The following ADAMTSL3 variants were observed in gnomAD, a reference collection of about 807,000 sequenced individuals.
ADAMTSL3 encodes the protein ADAMTS like 3, also known as ADAMTS-like protein 3.
A neutral mutation model predicts 201.7 loss-of-function variants in ADAMTSL3; 128 were observed. The observed-to-expected ratio is 0.63, with a 90% CI of 0.55 to 0.73. The LOEUF is 0.73. Ranked by LOEUF, ADAMTSL3 falls within the 30% of genes least tolerant of loss-of-function variation. The pLI, the probability that ADAMTSL3 is intolerant of heterozygous loss-of-function variation, is 0.00. For synonymous variants in ADAMTSL3, 738 were observed against 748.4 expected (o/e 0.99, Z 0.23); for missense variants, 1,990 against 2,119.6 (o/e 0.94, Z 1.20).
chr15:83,702,977 C>T (rs1481726823), intron 2 of ADAMTSL3, among the ~76,000 whole-genome samples: 1 of 152,130 alleles, frequency 6.6e-6, no homozygotes, highest in Non-Finnish European at 1.5e-5. Context: ...AGAGGCCATA[C>T]CCTGAAAAGC....
intron 2 of ADAMTSL3, among the ~76,000 whole-genome samples, chr15:83,678,984 TCTC>T (rs139161426): frequency 0.017 from 2,570 of 150,332 alleles, 72 homozygotes; most frequent in African/African-American, 0.056. Flanking sequence ...CCTTTGTTAT[TCTC>T]CCATAGGCCT....
intron 3 of ADAMTSL3, among the ~76,000 whole-genome samples, chr15:83,750,620 C>T (rs866206145): frequency 2.0e-5 from 3 of 151,972 alleles, no homozygotes; most frequent in South Asian, 4.2e-4. Flanking sequence ...GGCATGATCT[C>T]GGCTCACTGC....
intron 23 of ADAMTSL3, among the ~76,000 whole-genome samples, chr15:83,998,808 A>G (rs561040723): frequency 2.0e-5 from 3 of 152,312 alleles, no homozygotes; most frequent in African/African-American, 7.2e-5. Context: ...ACTAGATAAG[A>G]TCTTACTGAA....
At chr15:83,862,451 T>G (rs1443371015) in intron 8 of ADAMTSL3, 1 of 151,936 alleles carries the variant, frequency 6.6e-6, no homozygotes, top group African/African-American at 2.4e-5. Context: ...CAGAAGAGAG[T>G]GGGGGCCAAT....
At chr15:83,719,207 T>C (rs1238611764) in intron 3 of ADAMTSL3, among the ~76,000 whole-genome samples, 2 of 152,156 alleles carry the variant, frequency 1.3e-5, no homozygotes, top group East Asian at 1.9e-4. Context: ...AGAATTACAG[T>C]GTACAAGGAA....
In ADAMTSL3 at chr15:84,033,288, C is replaced by T. The variant is rs2068441835; in HGVS notation, c.4754+1856C>T. Among the ~76,000 whole-genome samples the T allele has an allele frequency of 2.6e-5, 4 of 152,250 alleles. No individual in the cohort carries two copies. In the South Asian group the frequency reaches 8.3e-4, roughly 32 times the overall value. ...ATCCTACCACCACCACAACCCATCT[C>T]CCTGCTAGACTAAAATTACTTTAGA... On this transcript the variant is annotated intron_variant, in intron 28 of 29. Transcript: ENST00000286744.
intron 3 of ADAMTSL3, among the ~76,000 whole-genome samples, chr15:83,719,456 CTT>C (rs1191870600): frequency 3.3e-5 from 5 of 152,138 alleles, no homozygotes; most frequent in African/African-American, 1.2e-4. Flanking sequence ...CGACAACACT[CTT>C]TATGACATTT....
At chr15:83,903,158 G>T (rs1298761597) in intron 15 of ADAMTSL3, among the ~76,000 whole-genome samples, 1 of 151,444 alleles carries the variant, frequency 6.6e-6, no homozygotes, top group East Asian at 1.9e-4. Flanking sequence ...TTTAAAATGT[G>T]GTGATTTCCA....
chr15:83,983,315 G>A lies in ADAMTSL3; in HGVS notation c.3687G>A (p.Lys1229=), dbSNP rs745656919. The stretch of plus-strand genomic sequence containing the variant: ...GTGAGGCCACATATACATGGACCAA[G>A]GATGGAACCTTGTTACAGCCCTCAG... ...TPSEATYTWT[K]DGTLLQPSVK... Residue 1229 remains lysine (K), a synonymous_variant, in exon 21 of 30, where the codon AAG becomes AAA. Transcript: ENST00000286744. The A allele has an allele frequency of 6.5e-7, 1 of 1,546,536 alleles. No individual in the cohort carries two copies. The highest frequency in any genetic ancestry group is 8.7e-7 in the Non-Finnish European group (1 of 1,148,528).
intron 2 of ADAMTSL3, among the ~76,000 whole-genome samples, chr15:83,675,586 C>CTTTTTTTTTTTTTTT (rs77339448): frequency 7.9e-6 from 1 of 126,054 alleles, no homozygotes; most frequent in Non-Finnish European, 1.7e-5. Flanking sequence ...GTGCTGTTTT[C>CTTTTTTTTTTTTTTT]TTTTTTTTTT....
chr15:83,796,193 T>A (rs184565355), intron 4 of ADAMTSL3, among the ~76,000 whole-genome samples: 1 of 152,304 alleles, frequency 6.6e-6, no homozygotes, highest in African/African-American at 2.4e-5. Context: ...TTTGAGGTCC[T>A]AGTCAGTGTA....
chr15:83,941,017 A>G (rs1164496183), intron 17 of ADAMTSL3, among the ~76,000 whole-genome samples: 1 of 151,968 alleles, frequency 6.6e-6, no homozygotes, highest in African/African-American at 2.4e-5. Context: ...ATTCTTATTA[A>G]TGTCTGCCTT....
chr15:83,857,559 C>T (rs977709730), intron 7 of ADAMTSL3, among the ~76,000 whole-genome samples: 2 of 152,082 alleles, frequency 1.3e-5, no homozygotes, highest in African/African-American at 4.8e-5. Flanking sequence ...AGGTACGGTT[C>T]AGTCTTTCCT....
intron 16 of ADAMTSL3, 71 bp downstream of exon 16, chr15:83,913,449 G>C: frequency 6.6e-7 from 1 of 1,505,492 alleles, no homozygotes; most frequent in Non-Finnish European, 9.0e-7. Context: ...ACTCAATCAG[G>C]TAAGCCAAAT....
chr15:83,983,960 C>T (rs1174245557), intron 21 of ADAMTSL3, among the ~76,000 whole-genome samples: 1 of 152,156 alleles, frequency 6.6e-6, no homozygotes, highest in Non-Finnish European at 1.5e-5. Flanking sequence ...TTTCTATTAT[C>T]ATGCAATTTT....
At chr15:83,849,319 G>T (rs1338238862) in intron 7 of ADAMTSL3, among the ~76,000 whole-genome samples, 1 of 152,076 alleles carries the variant, frequency 6.6e-6, no homozygotes, top group East Asian at 1.9e-4. Flanking sequence ...TTGAGACAAG[G>T]TCTCACTATG....
At chr15:83,846,496 G>A (rs943006470) in intron 7 of ADAMTSL3, among the ~76,000 whole-genome samples, 1 of 152,228 alleles carries the variant, frequency 6.6e-6, no homozygotes, top group African/African-American at 2.4e-5. Context: ...AGGGAACAAA[G>A]ATAGCACAGA....
chr15:83,910,097 T>G (rs980280034), intron 15 of ADAMTSL3, among the ~76,000 whole-genome samples: 1 of 152,252 alleles, frequency 6.6e-6, no homozygotes, highest in Non-Finnish European at 1.5e-5. Flanking sequence ...TTCTGTTTTT[T>G]CCTAGTTATG....
intron 23 of ADAMTSL3, among the ~76,000 whole-genome samples, chr15:84,004,352 T>C (rs2067853178): frequency 6.6e-6 from 1 of 152,164 alleles, no homozygotes; most frequent in South Asian, 2.1e-4. Flanking sequence ...AAGATTCTAA[T>C]GTGCAGCCAA....
Sources: allele counts gnomAD v4.1 joint callset (sites outside exome capture counted in the v4.1 genomes callset), GRCh38; gene constraint gnomAD v4.1.1; transcripts MANE v1.5; gene names NCBI Gene and HGNC (gene_info 2026-07-23, HGNC 2026-07-21).